Variants in GNA13 observed in about 807,000 individuals in gnomAD.
GNA13 encodes the protein guanine nucleotide-binding protein subunit alpha-13.
A neutral mutation model predicts 33.5 loss-of-function variants in GNA13; 4 were observed. The ratio of observed to expected loss-of-function variants is 0.12; its 90% CI spans 0.06 to 0.27. GNA13 has a LOEUF of 0.27. Among genes scored for constraint, GNA13 ranks in the 10% least tolerant of loss-of-function variants. The pLI is 1.00. For missense variants in GNA13, 319 were observed against 487.2 expected (o/e 0.65, Z 3.25); for synonymous variants, 176 against 183.8 (o/e 0.96, Z 0.34).
intron 2 of GNA13, among the ~76,000 whole-genome samples, chr17:65,030,379 G>A (rs943521109): frequency 1.1e-4 from 16 of 152,300 alleles, no homozygotes; most frequent in African/African-American, 3.8e-4. Context: ...AATTTGAAAG[G>A]TTTGTTTTTG....
chr17:65,052,009 CA>C (rs1383251285), intron 2 of GNA13: 1 of 152,200 alleles, frequency 6.6e-6, no homozygotes, highest in Non-Finnish European at 1.5e-5. Context: ...CTATCGTGAA[CA>C]CTTTCCTGGA....
At chr17:65,033,327 AAAG>A (rs1907121075) in intron 2 of GNA13, among the ~76,000 whole-genome samples, 1 of 151,736 alleles carries the variant, frequency 6.6e-6, no homozygotes, top group Non-Finnish European at 1.5e-5. Flanking sequence ...TCTAAAAAAA[AAAG>A]AAGAAATCAG....
intron 2 of GNA13, among the ~76,000 whole-genome samples, chr17:65,042,900 T>G (rs1232504193): frequency 6.6e-6 from 1 of 152,156 alleles, no homozygotes; most frequent in Non-Finnish European, 1.5e-5. Context: ...AAATCAAAGT[T>G]TATACTGCTT....
Position 65,056,548 on chromosome 17 carries a change from G to A in GNA13, c.46C>T (p.Pro16Ser), listed in dbSNP as rs781422742. The A allele has an allele frequency of 6.2e-7, 1 of 1,612,286 alleles. No individual in the cohort carries two copies. Among genetic ancestry groups the A allele is most frequent in the Non-Finnish European group, 8.5e-7 (1 of 1,179,772 alleles). The change falls in exon 1 of 4, where the codon CCC becomes TCC. Residue 16 changes from proline (P) to serine (S), a missense_variant. Coordinates refer to ENST00000439174, the MANE Select transcript of GNA13 (RefSeq NM_006572.6). ...TCGCCACTCGTCAGCAGGCAGCCGG[G>A]GAAGCACACGGACAGCACGGACCGC... Reference protein sequence around the residue: ...PSRSVLSVCFPGCLLTSGEAE... With the variant: ...PSRSVLSVCFSGCLLTSGEAE...
Position 65,056,722 on chromosome 17 carries a change from G to T in GNA13, c.-129C>A. The T allele has an allele frequency of 1.8e-6, 1 of 544,304 alleles. No homozygotes were observed. Among genetic ancestry groups the T allele is most frequent in the Non-Finnish European group, 2.8e-6 (1 of 360,962 alleles). 33.7% of individuals were successfully genotyped at this position (544,304 alleles called of 1,614,324 possible). On this transcript the variant is annotated 5_prime_UTR_variant, in exon 1 of 4. Transcript: ENST00000439174. ...GCGGCGGCCCGAGCGCGCCCAGGGAGGGAGGGAACCAGCGAACTGACTCGC... is the reference window on the plus strand; with the variant it reads ...GCGGCGGCCCGAGCGCGCCCAGGGATGGAGGGAACCAGCGAACTGACTCGC...
At chr17:65,053,374 T>A in intron 2 of GNA13, 128 bp downstream of exon 2, 2 of 655,166 alleles carry the variant, frequency 3.1e-6, no homozygotes, top group Non-Finnish European at 5.4e-6. Context: ...AGCCTTTCAG[T>A]CTGTTCCTCC....
intron 2 of GNA13, among the ~76,000 whole-genome samples, chr17:65,042,843 A>C (rs1213016169): frequency 2.0e-5 from 3 of 152,234 alleles, no homozygotes; most frequent in Non-Finnish European, 4.4e-5. Flanking sequence ...TATATTCTAC[A>C]TTATTCAGAA....
intron 2 of GNA13, among the ~76,000 whole-genome samples, chr17:65,051,225 TG>T (rs1226574816): frequency 2.0e-5 from 3 of 152,216 alleles, no homozygotes; most frequent in African/African-American, 7.2e-5. Flanking sequence ...TTCTCTGACC[TG>T]GAAGGATGAA....
At chr17:65,023,938 C>T (rs1195168634) in intron 2 of GNA13, among the ~76,000 whole-genome samples, 1 of 152,210 alleles carries the variant, frequency 6.6e-6, no homozygotes, top group African/African-American at 2.4e-5. Context: ...ATCTCTCAAG[C>T]ACTGACTATG....
intron 2 of GNA13, among the ~76,000 whole-genome samples, chr17:65,031,164 T>G (rs930121293): frequency 7.2e-5 from 11 of 152,264 alleles, no homozygotes; most frequent in Non-Finnish European, 1.0e-4. Flanking sequence ...CATGGCCTAT[T>G]GCTTCTAGGC....
chr17:65,018,369 T>TGATGTAA, intron 2 of GNA13, 66 bp from the exon 3 acceptor site: 1 of 839,996 alleles, frequency 1.2e-6, no homozygotes. Flanking sequence ...TACAACAGTT[T>TGATGTAA]ACATCATACT....
intron 2 of GNA13, among the ~76,000 whole-genome samples, chr17:65,031,691 T>C (rs372778687): frequency 1.2e-4 from 18 of 152,150 alleles, no homozygotes; most frequent in African/African-American, 4.3e-4. Flanking sequence ...TAGGCAGGAC[T>C]CATTAAGCAT....
intron 3 of GNA13, among the ~76,000 whole-genome samples, chr17:65,016,616 C>T (rs1434088001): frequency 1.3e-5 from 2 of 152,240 alleles, no homozygotes; most frequent in African/African-American, 2.4e-5. Flanking sequence ...CCCGCCTCAG[C>T]CTCCCAATGT....
At chr17:65,054,279 C>T (rs1317638198) in intron 1 of GNA13, among the ~76,000 whole-genome samples, 2 of 152,206 alleles carry the variant, frequency 1.3e-5, no homozygotes, top group African/African-American at 4.8e-5. Context: ...GTTTAAGTTA[C>T]AGGATGGCCT....
At chr17:65,049,747 G>C (rs1233850862) in intron 2 of GNA13, among the ~76,000 whole-genome samples, 5 of 152,202 alleles carry the variant, frequency 3.3e-5, no homozygotes, top group African/African-American at 1.2e-4. Flanking sequence ...ATGGCTATTT[G>C]CTGAAAACAC....
intron 2 of GNA13, among the ~76,000 whole-genome samples, chr17:65,031,718 A>G (rs1471297539): frequency 6.6e-6 from 1 of 152,156 alleles, no homozygotes; most frequent in Non-Finnish European, 1.5e-5. Flanking sequence ...GGGGAAAGCT[A>G]TTCAATAGCA....
At position 65,056,688 on chromosome 17, in the gene GNA13, G is replaced by C; in HGVS notation, c.-95C>G. The C allele has an allele frequency of 1.1e-6, 1 of 945,476 alleles. No homozygotes were observed. The highest frequency in any genetic ancestry group is 1.4e-6 in the Non-Finnish European group (1 of 713,022). The allele number at this position is 945,476 out of a possible 1,614,324, so 58.6% of individuals were successfully genotyped here. On this transcript the variant is annotated 5_prime_UTR_variant, in exon 1 of 4. Transcript: ENST00000439174. ...GCTCCGGCACCGAGGCTCGAGGGCG[G>C]GGAGCGCGGCGGCGGCCCGAGCGCG...
Position 65,038,127 on chromosome 17 carries a change from G to A in GNA13, c.510+15375C>T, listed in dbSNP as rs553028543. ...TTAAGTCAAAAACACATTTATGGCC[G>A]GGTGCAGTGGCTCATGCCTGTAATC... On this transcript the variant is annotated intron_variant, in intron 2 of 3. Transcript: ENST00000439174. Among the ~76,000 whole-genome samples, 195 of 152,244 alleles carry A rather than the reference G, an allele frequency of 1.3e-3. 2 individuals are homozygous for A. The highest frequency in any genetic ancestry group is 3.7e-3 in the South Asian group (18 of 4,824).
intron 2 of GNA13, among the ~76,000 whole-genome samples, chr17:65,031,728 A>G (rs1414381880): frequency 6.6e-6 from 1 of 152,144 alleles, no homozygotes; most frequent in East Asian, 1.9e-4. Context: ...ATTCAATAGC[A>G]AACTTATTAA....
Sources: allele counts gnomAD v4.1 joint callset (sites outside exome capture counted in the v4.1 genomes callset), GRCh38; gene constraint gnomAD v4.1.1; transcripts MANE v1.5; gene names NCBI Gene and HGNC (gene_info 2026-07-23, HGNC 2026-07-21).